The following SIL1 variants were observed in gnomAD, a reference collection of about 807,000 sequenced individuals.
The protein encoded by SIL1 is nucleotide exchange factor SIL1.
Under a neutral mutation model 49.1 loss-of-function variants are expected in SIL1, and 40 were observed. The ratio of observed to expected loss-of-function variants is 0.81; its 90% CI spans 0.63 to 1.06. The LOEUF (loss-of-function observed/expected upper bound fraction) is 1.06. Ranked by LOEUF, SIL1 falls within the 50% of genes least tolerant of loss-of-function variation. The probability of loss-of-function intolerance (pLI) is 0.00; values close to 1 mark genes in which losing one functional copy is unlikely to be tolerated. For synonymous variants in SIL1, 253 were observed against 250.8 expected (o/e 1.01, Z -0.08); for missense variants, 500 against 572.6 (o/e 0.87, Z 1.29).
chr5:139,096,117 C>T (rs1770456989), intron 3 of SIL1, among the ~76,000 whole-genome samples: 1 of 152,186 alleles, frequency 6.6e-6, no homozygotes, highest in South Asian at 2.1e-4. Context: ...TGAAGAATGT[C>T]TCTGGGCACT....
At chr5:139,033,088 G>T (rs942720008) in intron 5 of SIL1, among the ~76,000 whole-genome samples, 2 of 152,042 alleles carry the variant, frequency 1.3e-5, no homozygotes, top group Non-Finnish European at 2.9e-5. Flanking sequence ...CTGTTTCCTG[G>T]GCTCAAGTGA....
At chr5:139,056,220 A>C (rs1299666396) in intron 3 of SIL1, among the ~76,000 whole-genome samples, 7 of 144,496 alleles carry the variant, frequency 4.8e-5, no homozygotes, top group Admixed American at 4.8e-4. Flanking sequence ...CCATCTAGGA[A>C]GTGAGGAGCG....
intron 3 of SIL1, among the ~76,000 whole-genome samples, chr5:139,070,048 AT>A (rs1248297894): frequency 3.9e-5 from 6 of 152,208 alleles, no homozygotes; most frequent in Non-Finnish European, 2.9e-5. Context: ...ATATATAGTT[AT>A]TTGTATAAAT....
intron 5 of SIL1, chr5:139,035,468 T>C: frequency 1.9e-6 from 1 of 539,096 alleles, no homozygotes; most frequent in Non-Finnish European, 3.7e-6. Flanking sequence ...CCAGTTTCAC[T>C]GTAATCCTCA....
intron 3 of SIL1, among the ~76,000 whole-genome samples, chr5:139,084,225 G>A (rs1289579767): frequency 6.6e-6 from 1 of 151,222 alleles, no homozygotes; most frequent in African/African-American, 2.4e-5. Flanking sequence ...AGTCAGTGTG[G>A]CGATTCCTCA....
intron 3 of SIL1, among the ~76,000 whole-genome samples, chr5:139,078,215 G>A (rs1376573630): frequency 6.6e-6 from 1 of 152,142 alleles, no homozygotes; most frequent in Non-Finnish European, 1.5e-5. Flanking sequence ...TTTCCAAGGT[G>A]AGAGGATCTC....
intron 7 of SIL1, among the ~76,000 whole-genome samples, chr5:138,955,934 G>A (rs1399237318): frequency 6.6e-6 from 1 of 152,172 alleles, no homozygotes; most frequent in Non-Finnish European, 1.5e-5. Context: ...ACTGGAAAAG[G>A]CAGAGCTCTA....
In SIL1 at chr5:138,987,082, ATTATTTTATT is replaced by A. The variant is rs58117206; in HGVS notation, c.767+34079_767+34088del. 5.1e-3 allele frequency among the ~76,000 whole-genome samples: 690 copies of A among 135,488 alleles called. 5 individuals are homozygous for A. The highest frequency in any genetic ancestry group is 0.022 in the Middle Eastern group (6 of 270). 88.9% of individuals were successfully genotyped at this position (135,488 alleles called of 152,430 possible). A position where few individuals can be genotyped will look rare whatever the true frequency, so the allele number is the denominator to read the frequency against. Reference sequence around the variant, plus strand: ...CACTATTTTGTTTTATTTATGATAGATTATTTTATTTTATTTTATTTTATTTTATTTTATT... The same window carrying A: ...CACTATTTTGTTTTATTTATGATAGATTATTTTATTTTATTTTATTTTATT... On this transcript the variant is annotated intron_variant, in intron 7 of 9. Coordinates refer to ENST00000394817, the MANE Select transcript of SIL1 (RefSeq NM_022464.5).
At chr5:139,042,521 A>G in intron 5 of SIL1, 99 bp downstream of exon 5, 1 of 976,862 alleles carries the variant, frequency 1.0e-6, no homozygotes, top group Non-Finnish European at 1.7e-6. Context: ...TTGTTATCCC[A>G]TGTTTATTGC....
chr5:138,958,828 C>G (rs945474743), intron 7 of SIL1, among the ~76,000 whole-genome samples: 3 of 151,806 alleles, frequency 2.0e-5, no homozygotes, highest in Admixed American at 6.6e-5. Context: ...GATATTCAAA[C>G]TCCTGTCTTT....
chr5:138,964,552 C>T (rs144275506), intron 7 of SIL1, among the ~76,000 whole-genome samples: 1,821 of 152,332 alleles, frequency 0.012, 20 homozygotes, highest in Non-Finnish European at 0.014. Context: ...CTTCCACAGA[C>T]TCTTTTAACT....
At chr5:139,005,077 G>A (rs987695027) in intron 7 of SIL1, among the ~76,000 whole-genome samples, 9 of 152,190 alleles carry the variant, frequency 5.9e-5, no homozygotes, top group Non-Finnish European at 8.8e-5. Flanking sequence ...CATGGTGACT[G>A]TAGTTAATAA....
intron 1 of SIL1, among the ~76,000 whole-genome samples, chr5:139,153,821 T>C (rs114933423): frequency 6.6e-6 from 1 of 152,240 alleles, no homozygotes; most frequent in Non-Finnish European, 1.5e-5. Flanking sequence ...TATCGGAATG[T>C]AGGTGTTGTT....
chr5:139,011,102 A>T lies in SIL1; in HGVS notation c.767+10069T>A, dbSNP rs562267361. Reference sequence around the variant, plus strand: ...CAGTTTGATCTCAGACTGCTGTGCTAGCAATCAGCGAGATTCCGTGGGTGT... The same window carrying T: ...CAGTTTGATCTCAGACTGCTGTGCTTGCAATCAGCGAGATTCCGTGGGTGT... On this transcript the variant is annotated intron_variant, in intron 7 of 9. Transcript: ENST00000394817. Among the ~76,000 whole-genome samples, 1,369 of 150,878 alleles carry T rather than the reference A, an allele frequency of 9.1e-3. 18 individuals are homozygous for T. Among genetic ancestry groups the T allele is most frequent in the African/African-American group, 0.027 (1,104 of 41,076 alleles).
chr5:139,065,470 C>T (rs1267665693), intron 3 of SIL1, among the ~76,000 whole-genome samples: 50 of 152,234 alleles, frequency 3.3e-4, no homozygotes, highest in Admixed American at 3.3e-3. Flanking sequence ...CAAACTTAAG[C>T]CAGTTTTGCA....
intron 7 of SIL1, among the ~76,000 whole-genome samples, chr5:138,975,320 C>A (rs1243449479): frequency 6.6e-6 from 1 of 152,056 alleles, no homozygotes; most frequent in African/African-American, 2.4e-5. Context: ...AAAATGAAAC[C>A]ACTGTCCTCC....
At chr5:139,185,783 C>A (rs1752068061) in intron 1 of SIL1, among the ~76,000 whole-genome samples, 2 of 152,202 alleles carry the variant, frequency 1.3e-5, no homozygotes, top group African/African-American at 4.8e-5. Flanking sequence ...GCAACACTCT[C>A]AGACCTAGAA....
chr5:138,954,466 C>A (rs1323447324), intron 7 of SIL1, among the ~76,000 whole-genome samples: 1 of 152,260 alleles, frequency 6.6e-6, no homozygotes, highest in African/African-American at 2.4e-5. Flanking sequence ...AGGGTTCCCA[C>A]AGCTTCAGGA....
At chr5:139,050,860 T>C (rs1302482993) in intron 4 of SIL1, 78 bp downstream of exon 4, 1 of 1,187,750 alleles carries the variant, frequency 8.4e-7, no homozygotes, top group Non-Finnish European at 1.3e-6. Context: ...CCACATGAAT[T>C]TGGGTAACAT....
Sources: allele counts gnomAD v4.1 joint callset (sites outside exome capture counted in the v4.1 genomes callset), GRCh38; gene constraint gnomAD v4.1.1; transcripts MANE v1.5; gene names NCBI Gene and HGNC (gene_info 2026-07-23, HGNC 2026-07-21).